The following TNFRSF10B variants were observed in gnomAD, a reference collection of about 807,000 sequenced individuals.
TNFRSF10B encodes the protein tumor necrosis factor receptor superfamily member 10B.
TNFRSF10B carries 35 observed loss-of-function variants against 41.4 expected under a neutral mutation model. The ratio of observed to expected loss-of-function variants is 0.85; its 90% CI spans 0.65 to 1.12. The LOEUF is 1.12. Ranked by LOEUF, TNFRSF10B falls within the 50% of genes most tolerant of loss-of-function variation. The pLI, the probability that TNFRSF10B is intolerant of heterozygous loss-of-function variation, is 0.00. For missense variants in TNFRSF10B, 584 were observed against 552.7 expected (o/e 1.06, Z -0.57); for synonymous variants, 230 against 215.5 (o/e 1.07, Z -0.59).
intron 2 of TNFRSF10B, among the ~76,000 whole-genome samples, chr8:23,038,971 T>C (rs1288912237): frequency 1.3e-5 from 2 of 151,952 alleles, no homozygotes; most frequent in Admixed American, 6.6e-5. Flanking sequence ...TATGGTAACA[T>C]ATAATGAAAT....
At chr8:23,065,526 G>A (rs1812956297) in intron 1 of TNFRSF10B, among the ~76,000 whole-genome samples, 1 of 152,216 alleles carries the variant, frequency 6.6e-6, no homozygotes, top group Admixed American at 6.5e-5. Flanking sequence ...TCAGGGCTGG[G>A]AGATCTGCAT....
At chr8:23,062,576 T>C (rs560053368) in intron 1 of TNFRSF10B, among the ~76,000 whole-genome samples, 1 of 152,256 alleles carries the variant, frequency 6.6e-6, no homozygotes, top group Non-Finnish European at 1.5e-5. Context: ...ATTTCCTTTA[T>C]AATGCTAACT....
At chr8:23,046,063 A>G (rs1812349991) in intron 1 of TNFRSF10B, among the ~76,000 whole-genome samples, 1 of 152,216 alleles carries the variant, frequency 6.6e-6, no homozygotes, top group Non-Finnish European at 1.5e-5. Context: ...TCTTTTCAAC[A>G]TGGTACTGGA....
intron 1 of TNFRSF10B, among the ~76,000 whole-genome samples, chr8:23,054,925 A>T (rs1812619857): frequency 6.6e-6 from 1 of 152,248 alleles, no homozygotes; most frequent in South Asian, 2.1e-4. Flanking sequence ...GGCCAAGTAT[A>T]ATAAAGCAAA....
chr8:23,050,983 A>G (rs1812506099), intron 1 of TNFRSF10B, among the ~76,000 whole-genome samples: 1 of 152,240 alleles, frequency 6.6e-6, no homozygotes, highest in African/African-American at 2.4e-5. Context: ...CTGAGGCACG[A>G]GAATTGCTTT....
intron 1 of TNFRSF10B, among the ~76,000 whole-genome samples, chr8:23,058,151 G>A (rs946180869): frequency 8.5e-5 from 13 of 152,168 alleles, no homozygotes; most frequent in African/African-American, 3.1e-4. Context: ...GGAGGCTGAG[G>A]CAGGAGAATC....
At chr8:23,031,793 A>T (rs1354385559) in intron 2 of TNFRSF10B, among the ~76,000 whole-genome samples, 2 of 152,160 alleles carry the variant, frequency 1.3e-5, no homozygotes, top group Admixed American at 6.5e-5. Context: ...ACCCCAGATA[A>T]TATCACTTAA....
chr8:23,027,787 A>G (rs766541181), intron 5 of TNFRSF10B, 34 bp from the exon 6 acceptor site: 2 of 1,613,694 alleles, frequency 1.2e-6, no homozygotes, highest in Non-Finnish European at 8.5e-7. Context: ...GCAGGAAGGG[A>G]GGGGCCCATG....
intron 1 of TNFRSF10B, among the ~76,000 whole-genome samples, chr8:23,046,515 T>TATCCAAAGCAATCTATAGGCTCA (rs1812364438): frequency 6.6e-6 from 1 of 151,808 alleles, no homozygotes; most frequent in Non-Finnish European, 1.5e-5. Flanking sequence ...ATGTCCATAC[T>TATCCAAAGCAATCTATAGGCTCA]ATCCAAAGCA....
chr8:23,020,138 A>T lies in TNFRSF10B; in HGVS notation c.*2533T>A, dbSNP rs190340015. Reference sequence around the variant, plus strand: ...GGAGACAAAAACCACACCTCTTTTTATATAAGGTTTCATATTTAATTTGGT... The same window carrying T: ...GGAGACAAAAACCACACCTCTTTTTTTATAAGGTTTCATATTTAATTTGGT... On this transcript the variant is annotated 3_prime_UTR_variant, in exon 9 of 9. Transcript: ENST00000276431. The T allele has an allele frequency of 1.3e-3, 521 of 387,050 alleles. 8 individuals are homozygous for T. Among genetic ancestry groups the T allele is most frequent in the Non-Finnish European group, 4.0e-4 (78 of 195,234 alleles). The allele number at this position is 387,050 out of a possible 1,614,324, so 24.0% of individuals were successfully genotyped here.
chr8:23,065,669 A>C (rs1812960656), intron 1 of TNFRSF10B, among the ~76,000 whole-genome samples: 1 of 152,220 alleles, frequency 6.6e-6, no homozygotes, highest in South Asian at 2.1e-4. Context: ...GTATATAGTT[A>C]TATGTAGATA....
chr8:23,067,871 T>G (rs1356902804), intron 1 of TNFRSF10B, among the ~76,000 whole-genome samples: 2 of 152,176 alleles, frequency 1.3e-5, no homozygotes, highest in African/African-American at 4.8e-5. Context: ...TTCCCCACTC[T>G]GAGCTGCGGT....
At chr8:23,033,907 A>C (rs899119984) in intron 2 of TNFRSF10B, among the ~76,000 whole-genome samples, 2 of 152,024 alleles carry the variant, frequency 1.3e-5, no homozygotes, top group Non-Finnish European at 2.9e-5. Flanking sequence ...TCATGACCTC[A>C]TCTAAACCCA....
chr8:23,026,909 C>G (rs116878525), intron 7 of TNFRSF10B, among the ~76,000 whole-genome samples: 1 of 152,260 alleles, frequency 6.6e-6, no homozygotes, highest in East Asian at 1.9e-4. Flanking sequence ...GAGCTCCAGG[C>G]TCGGGGGACA....
intron 1 of TNFRSF10B, among the ~76,000 whole-genome samples, chr8:23,066,956 C>T (rs1813003550): frequency 6.6e-6 from 1 of 151,954 alleles, no homozygotes; most frequent in Non-Finnish European, 1.5e-5. Flanking sequence ...CCAAGAAATT[C>T]AACATAACTC....
chr8:23,020,346 A>C lies in TNFRSF10B; in HGVS notation c.*2325T>G, dbSNP rs994997496. On this transcript the variant is annotated 3_prime_UTR_variant, in exon 9 of 9. Transcript: ENST00000276431. ...TTGGCCTGGGGATATAGCAAAGCCT[A>C]ATGTAACTAAACAACAAAACCCCCA... 2 of 453,998 alleles carry C rather than the reference A, an allele frequency of 4.4e-6. No homozygotes were observed. Among genetic ancestry groups the C allele is most frequent in the African/African-American group, 4.0e-5 (2 of 50,008 alleles). 28.1% of individuals were successfully genotyped at this position (453,998 alleles called of 1,614,324 possible).
At chr8:23,035,783 G>C (rs1563311710) in intron 2 of TNFRSF10B, among the ~76,000 whole-genome samples, 1 of 152,182 alleles carries the variant, frequency 6.6e-6, no homozygotes, top group African/African-American at 2.4e-5. Flanking sequence ...ACAATGCCTA[G>C]TGTGCTTATT....
rs548573649 is a variant in TNFRSF10B at position 23,063,191 on chromosome 8, T to C, written c.144+5560A>G. On this transcript the variant is annotated intron_variant, in intron 1 of 8. Coordinates refer to ENST00000276431, the MANE Select transcript of TNFRSF10B (RefSeq NM_003842.5). ...GGTGAAACCCGGTCTCTACTAAAAA[T>C]ACAAAAATTAGCTGGGTGTGGTGGC... is the stretch of plus-strand genomic sequence containing the variant. 4.4e-4 allele frequency among the ~76,000 whole-genome samples: 67 copies of C among 151,986 alleles called. 1 individual carries two copies. In the Middle Eastern group the frequency reaches 0.024, roughly 54 times the overall value.
intron 1 of TNFRSF10B, among the ~76,000 whole-genome samples, chr8:23,058,049 C>G (rs1812720848): frequency 6.6e-6 from 1 of 152,156 alleles, no homozygotes; most frequent in African/African-American, 2.4e-5. Flanking sequence ...GAGTTCGAGA[C>G]CAGACTGGCC....
Sources: gnomAD v4.1 joint callset for allele counts (sites outside exome capture counted in the v4.1 genomes callset) on GRCh38, gnomAD v4.1.1 for gene constraint, MANE v1.5 for transcripts, NCBI Gene and HGNC (gene_info 2026-07-23, HGNC 2026-07-21) for gene names.